The following PHF2 variants were observed in gnomAD, a reference collection of about 807,000 sequenced individuals.
PHF2 encodes the protein lysine-specific demethylase PHF2.
In PHF2, 27 loss-of-function variants were observed where a neutral mutation model predicts 120.5. The ratio of observed to expected loss-of-function variants is 0.22; its 90% CI spans 0.17 to 0.31. The LOEUF is 0.31. Among genes scored for constraint, PHF2 ranks in the 10% least tolerant of loss-of-function variants. PHF2 has a pLI of 1.00. For missense variants in PHF2, 1,024 were observed against 1,434.8 expected (o/e 0.71, Z 4.63); for synonymous variants, 568 against 592.5 (o/e 0.96, Z 0.60).
intron 1 of PHF2, among the ~76,000 whole-genome samples, chr9:93,602,740 C>G (rs1825465647): frequency 6.6e-6 from 1 of 152,096 alleles, no homozygotes; most frequent in Non-Finnish European, 1.5e-5. Flanking sequence ...TTTAGATTCT[C>G]TGGACTCACT....
chr9:93,654,722 G>T, intron 7 of PHF2, 147 bp downstream of exon 7: 1 of 829,016 alleles, frequency 1.2e-6, no homozygotes, highest in South Asian at 1.6e-5. Context: ...CATATGAAGT[G>T]GAAAGGAGGT....
intron 17 of PHF2, among the ~76,000 whole-genome samples, 178 bp downstream of exon 17, chr9:93,667,418 G>A (rs1826703281): frequency 6.6e-6 from 1 of 152,274 alleles, no homozygotes; most frequent in Non-Finnish European, 1.5e-5. Flanking sequence ...TCCCACTGGG[G>A]CTTTCCTTTC....
At chr9:93,661,624 T>TGGAA (rs1343388946) in intron 12 of PHF2, among the ~76,000 whole-genome samples, 1 of 151,054 alleles carries the variant, frequency 6.6e-6, no homozygotes, top group Non-Finnish European at 1.5e-5. Context: ...GATGGATGGA[T>TGGAA]GGAAGGACGA....
intron 1 of PHF2, among the ~76,000 whole-genome samples, chr9:93,623,166 C>T (rs1387291711): frequency 6.6e-6 from 1 of 152,132 alleles, no homozygotes; most frequent in Admixed American, 6.5e-5. Flanking sequence ...GATTTGGGGT[C>T]TCACATGGAT....
In PHF2 at chr9:93,676,622, G is replaced by C. The variant is rs900844926; in HGVS notation, c.2861G>C (p.Ser954Thr). The C allele has an allele frequency of 1.2e-6, 2 of 1,604,138 alleles. No individual in the cohort carries two copies. The highest frequency in any genetic ancestry group is 2.7e-5 in the African/African-American group (2 of 74,678). ...QEEQKSKKKK[S>T]AKRKLTPNTT... ...GAGCAGAAAAGCAAGAAAAAAAAGA[G>C]TGCCAAGAGGAAGCTGACTCCTAAC... Residue 954 changes from serine (S) to threonine (T), a missense_variant, in exon 21 of 22, where the codon AGT (serine) becomes ACT (threonine). By Grantham distance (58) the Ser-to-Thr change is moderately conservative. Transcript: ENST00000359246.
chr9:93,594,186 A>ACCC (rs57656509), intron 1 of PHF2, among the ~76,000 whole-genome samples: 1 of 140,218 alleles, frequency 7.1e-6, no homozygotes, highest in African/African-American at 2.7e-5. Context: ...TTCTCATGTG[A>ACCC]CCCCCCCCCC....
intron 5 of PHF2, among the ~76,000 whole-genome samples, chr9:93,651,096 A>T (rs1326003690): frequency 9.0e-6 from 1 of 111,312 alleles, no homozygotes; most frequent in Non-Finnish European, 1.9e-5. Context: ...TATTTTAAAA[A>T]TTAAAAAAAA....
At chr9:93,611,305 C>T (rs1825629513) in intron 1 of PHF2, among the ~76,000 whole-genome samples, 1 of 151,820 alleles carries the variant, frequency 6.6e-6, no homozygotes, top group Non-Finnish European at 1.5e-5. Flanking sequence ...ATCCCAGCTA[C>T]TCAGGAGCCT....
Position 93,637,262 on chromosome 9 carries a change from T to C in PHF2, c.299+737T>C, listed in dbSNP as rs111276080. Among the ~76,000 whole-genome samples the C allele has an allele frequency of 3.1e-3, 468 of 152,340 alleles. 2 individuals carry two copies. The highest frequency in any genetic ancestry group is 5.0e-3 in the Non-Finnish European group (341 of 68,032). On this transcript the variant is annotated intron_variant, in intron 3 of 21. Transcript: ENST00000359246. ...ACTCTTGTTCTGACCCTTCTCTGGG[T>C]AAGGTGTTTTTTTCCTGGCTTCTTT...
chr9:93,605,162 C>T (rs753592534), intron 1 of PHF2, among the ~76,000 whole-genome samples: 1 of 152,210 alleles, frequency 6.6e-6, no homozygotes, highest in African/African-American at 2.4e-5. Flanking sequence ...TTGATACATA[C>T]TCATTAACAA....
At chr9:93,653,617 A>T (rs11793637) in intron 6 of PHF2, among the ~76,000 whole-genome samples, 1 of 151,902 alleles carries the variant, frequency 6.6e-6, no homozygotes, top group Non-Finnish European at 1.5e-5. Flanking sequence ...ATTGGGTGAG[A>T]CCACCAGGTG....
At chr9:93,602,688 C>T (rs1385350286) in intron 1 of PHF2, among the ~76,000 whole-genome samples, 1 of 152,146 alleles carries the variant, frequency 6.6e-6, no homozygotes, top group Admixed American at 6.5e-5. Context: ...ACATCTCTGC[C>T]ACCTGGGACC....
intron 1 of PHF2, among the ~76,000 whole-genome samples, chr9:93,589,317 T>C (rs1020667207): frequency 6.6e-6 from 1 of 151,978 alleles, no homozygotes; most frequent in African/African-American, 2.4e-5. Context: ...ACTGTGTGTG[T>C]GGTGGGTGGG....
chr9:93,677,196 C>A lies in PHF2; in HGVS notation c.3202+233C>A, dbSNP rs553724018. On this transcript the variant is annotated intron_variant, in intron 21 of 21. Coordinates refer to ENST00000359246, the MANE Select transcript of PHF2 (RefSeq NM_005392.4). The surrounding 1 kb of genome is among the most constrained non-coding windows in gnomAD (Gnocchi z 4.4). Reference sequence around the variant, plus strand: ...TCAGTGGGCGTGCTCAGCCCCTGATCTGCCTGCACCCCTGCACCCCAGCCG... The same window carrying A: ...TCAGTGGGCGTGCTCAGCCCCTGATATGCCTGCACCCCTGCACCCCAGCCG... Among the ~76,000 whole-genome samples the A allele has an allele frequency of 6.6e-6, 1 of 151,078 alleles. No homozygotes were observed. The highest frequency in any genetic ancestry group is 2.0e-4 in the East Asian group (1 of 5,080).
At chr9:93,585,577 G>A (rs896643529) in intron 1 of PHF2, among the ~76,000 whole-genome samples, 12 of 152,262 alleles carry the variant, frequency 7.9e-5, no homozygotes, top group African/African-American at 1.9e-4. Flanking sequence ...CATGGGTAGG[G>A]CGCAAGGCCA....
rs1252523547 is a variant in PHF2, at chr9:93,667,068, C to G, written c.2188-12C>G. ...CCCTCCCCTGACCGAAGCCCTGTCC[C>G]TCGCGCAGCAGAGTGATGACTCCTC... On this transcript the variant is annotated splice_polypyrimidine_tract_variant and intron_variant, in intron 16 of 21. Coordinates refer to ENST00000359246, the MANE Select transcript of PHF2 (RefSeq NM_005392.4). 1 of 1,608,320 alleles carries G rather than the reference C, an allele frequency of 6.2e-7. No homozygotes were observed. Among genetic ancestry groups the G allele is most frequent in the East Asian group, 2.3e-5 (1 of 44,428 alleles).
chr9:93,620,408 C>T (rs1825806668), intron 1 of PHF2, among the ~76,000 whole-genome samples: 1 of 152,210 alleles, frequency 6.6e-6, no homozygotes, highest in Non-Finnish European at 1.5e-5. Flanking sequence ...GACGAGTGGG[C>T]CTGGCTGGGG....
At chr9:93,631,811 G>A (rs905823886) in intron 2 of PHF2, among the ~76,000 whole-genome samples, 1 of 147,556 alleles carries the variant, frequency 6.8e-6, no homozygotes, top group Admixed American at 6.7e-5. Flanking sequence ...GTTGGGCTTG[G>A]GAGGATGCTG....
intron 4 of PHF2, among the ~76,000 whole-genome samples, chr9:93,648,295 C>CGG (rs1826297189): frequency 6.6e-6 from 1 of 152,156 alleles, no homozygotes; most frequent in African/African-American, 2.4e-5. Context: ...CCTATAAACT[C>CGG]GTGGTTAGAG....
Sources: gnomAD v4.1 joint callset for allele counts (sites outside exome capture counted in the v4.1 genomes callset) on GRCh38, gnomAD v4.1.1 for gene constraint, Gnocchi (gnomAD v3.1) non-coding constraint, MANE v1.5 for transcripts, NCBI Gene and HGNC (gene_info 2026-07-23, HGNC 2026-07-21) for gene names.